WDCP: variants seen among roughly 807,000 people sequenced by gnomAD.
WDCP encodes the protein WD repeat and coiled-coil-containing protein.
In WDCP, 19 loss-of-function variants were observed where a neutral mutation model predicts 41.6. The observed-to-expected ratio is 0.46, with a 90% confidence interval of 0.32 to 0.67. WDCP has a LOEUF of 0.67. WDCP is among the 30% of genes least tolerant of loss of function. The pLI is 0.04. For synonymous variants in WDCP, 302 were observed against 320.8 expected, an observed-to-expected ratio of 0.94 and a Z score of 0.63; for missense variants, 802 against 850.7, an observed-to-expected ratio of 0.94 and a Z score of 0.71.
In WDCP at chr2:24,038,466, A is replaced by T; in HGVS notation, c.1029T>A (p.Asp343Glu). 1.2e-6 allele frequency: 2 copies of T among 1,614,234 alleles called. No homozygotes were observed. Among genetic ancestry groups the T allele is most frequent in the Non-Finnish European group, 1.7e-6 (2 of 1,180,048 alleles). Residue 343 changes from aspartate to glutamate, a missense_variant, in exon 2 of 4, where the codon GAT becomes GAA. By Grantham distance (45) the Asp-to-Glu change is conservative. Transcript: ENST00000295148. ...KVTIPGILVP[D>E]LIAFNLKAHV... Reference sequence around the variant, plus strand: ...GGGCTTTAAGATTAAATGCTATCAGATCAGGAACCAGAATGCCTGGAATAG... The same window carrying T: ...GGGCTTTAAGATTAAATGCTATCAGTTCAGGAACCAGAATGCCTGGAATAG...
chr2:24,037,777 C>T lies in WDCP; in HGVS notation c.1718G>A (p.Arg573Gln), dbSNP rs200971514. The change falls in exon 2 of 4, where the codon CGG becomes CAG. Residue 573 changes from arginine to glutamine, a missense_variant. Arg to Gln is a conservative substitution (Grantham distance 43). This residue lies in a region of WDCP where 321 missense variants were observed against 305.1 expected (regional missense o/e 1.05). Coordinates refer to ENST00000295148, the MANE Select transcript of WDCP (RefSeq NM_025203.3). ...ILSRNLVEMQ[R>Q]CLSELTNRLH... ...ACGGTTTGTAAGTTCAGAAAGACAC[C>T]GTTGCATTTCAACCAGGTTCCTAGA... The T allele has an allele frequency of 2.8e-5, 45 of 1,614,146 alleles. No homozygotes were observed. Among genetic ancestry groups the T allele is most frequent in the African/African-American group, 1.3e-4 (10 of 75,034 alleles).
chr2:24,044,546 C>T (rs1047131345), intron 1 of WDCP, among the ~76,000 whole-genome samples: 29 of 152,102 alleles, frequency 1.9e-4, no homozygotes, highest in African/African-American at 6.3e-4. Flanking sequence ...GGATTACAGG[C>T]GTGAGCCACT....
At chr2:24,036,065 A>AAAATAAATAAATAAATAAATAAAT (rs546096434) in intron 2 of WDCP, among the ~76,000 whole-genome samples, 3 of 140,362 alleles carry the variant, frequency 2.1e-5, no homozygotes, top group East Asian at 2.0e-4. Context: ...CTCCGTCTCA[A>AAAATAAATAAATAAATAAATAAAT]AAATAAATAA....
chr2:24,042,103 A>G (rs961451124), intron 1 of WDCP, among the ~76,000 whole-genome samples: 4 of 152,068 alleles, frequency 2.6e-5, no homozygotes, highest in Admixed American at 1.3e-4. Context: ...ACTGAGAAAG[A>G]CTAATTTTAG....
chr2:24,038,611 G>A lies in WDCP; in HGVS notation c.884C>T (p.Ser295Phe). Residue 295 changes from serine (S) to phenylalanine (F), a missense_variant, in exon 2 of 4, where the codon TCT becomes TTT. Around this residue, in one of 5 missense-constraint regions of WDCP, gnomAD observed 247 missense variants for 240.5 expected, o/e 1.03. Coordinates refer to ENST00000295148, the MANE Select transcript of WDCP (RefSeq NM_025203.3). ...LTHIHFNQHK[S>F]EGNSLICLRK... ...TAGACAAATAAGAGAATTACCCTCA[G>A]ACTTATGTTGATTGAAATGTATGTG... 6.2e-7 allele frequency: 1 copy of A among 1,614,124 alleles called. No homozygotes were observed. Among genetic ancestry groups the A allele is most frequent in the Non-Finnish European group, 8.5e-7 (1 of 1,179,996 alleles).
chr2:24,042,843 G>T (rs187281036), intron 1 of WDCP, among the ~76,000 whole-genome samples: 190 of 151,822 alleles, frequency 1.3e-3, no homozygotes, highest in African/African-American at 4.4e-3. Flanking sequence ...AGACCAGCCT[G>T]ACCAACATGG....
chr2:24,036,312 C>T (rs1025687037), intron 2 of WDCP, among the ~76,000 whole-genome samples: 1 of 151,214 alleles, frequency 6.6e-6, no homozygotes, highest in African/African-American at 2.4e-5. Context: ...TCATGATCAG[C>T]CTAGGCAACA....
chr2:24,031,086 G>A lies in WDCP; in HGVS notation c.2013C>T (p.Ile671=). The part of the protein sequence containing the change: ...PLTFTATQEI[I]IRDGSLSRSD... ...ACCTGGACAGGCTGCCATCTCTTAT[G>A]ATTATTTCCTGTGTGGCTGTGAAGG... The change falls in exon 4 of 4, where the codon ATC becomes ATT. Residue 671 remains isoleucine (I), a synonymous_variant. Coordinates refer to ENST00000295148, the MANE Select transcript of WDCP (RefSeq NM_025203.3). 1 of 1,614,192 alleles carries A rather than the reference G, an allele frequency of 6.2e-7. No individual in the cohort carries two copies. Among genetic ancestry groups the A allele is most frequent in the South Asian group, 1.1e-5 (1 of 91,086 alleles).
chr2:24,047,027 G>A (rs1011634108), intron 1 of WDCP, among the ~76,000 whole-genome samples: 26 of 152,086 alleles, frequency 1.7e-4, no homozygotes, highest in Non-Finnish European at 3.4e-4. Context: ...CTCGGACCGA[G>A]GTCTTAAGGC....
intron 1 of WDCP, among the ~76,000 whole-genome samples, chr2:24,042,729 A>G (rs533793503): frequency 1.6e-4 from 23 of 147,586 alleles, no homozygotes; most frequent in African/African-American, 5.8e-4. Flanking sequence ...AAAATTTAGT[A>G]TAAAAACAAT....
At position 24,039,127 on chromosome 2, in the gene WDCP, G is replaced by A; in HGVS notation, c.368C>T (p.Pro123Leu). 1.2e-6 allele frequency: 2 copies of A among 1,614,196 alleles called. No homozygotes were observed. The highest frequency in any genetic ancestry group is 1.7e-6 in the Non-Finnish European group (2 of 1,180,048). ...PILPQGCVWHPKCAILTVLTA... is the reference protein window; with the variant it reads ...PILPQGCVWHLKCAILTVLTA... ...CAACACAGTCAGAATAGCACATTTT[G>A]GGTGCCACACACAGCCCTGGGGAAG... The change falls in exon 2 of 4, where the codon CCA becomes CTA. Residue 123 changes from proline to leucine, a missense_variant. Physicochemically the swap from Pro to Leu is moderately conservative, Grantham distance 98. Coordinates refer to ENST00000295148, the MANE Select transcript of WDCP (RefSeq NM_025203.3).
intron 2 of WDCP, 32 bp downstream of exon 2, chr2:24,037,645 G>A (rs1385792718): frequency 6.4e-7 from 1 of 1,572,928 alleles, no homozygotes; most frequent in African/African-American, 1.4e-5. Flanking sequence ...GAGCTTTTAT[G>A]TATAGTGGTA....
intron 1 of WDCP, among the ~76,000 whole-genome samples, chr2:24,043,172 A>G (rs942455081): frequency 6.6e-5 from 10 of 152,198 alleles, no homozygotes; most frequent in Non-Finnish European, 2.9e-5. Flanking sequence ...CGTCTCTACT[A>G]AAAATACAAA....
chr2:24,031,221 T>C, intron 3 of WDCP, 59 bp from the exon 4 acceptor site: 3 of 1,316,830 alleles, frequency 2.3e-6, no homozygotes, highest in South Asian at 1.3e-5. Flanking sequence ...TGATGAAACA[T>C]ATGACTACAA....
At chr2:24,045,643 A>AAGGAAGGAAGGG in intron 1 of WDCP, among the ~76,000 whole-genome samples, 1 of 135,726 alleles carries the variant, frequency 7.4e-6, no homozygotes, top group Non-Finnish European at 1.6e-5. Flanking sequence ...GGAAGGAAGG[A>AAGGAAGGAAGGG]AGGAAGGAAG....
In WDCP at chr2:24,032,761, G is replaced by A. The variant is rs1328798446; in HGVS notation, c.1936+68C>T. On this transcript the variant is annotated intron_variant, in intron 3 of 3. Transcript: ENST00000295148. The stretch of plus-strand genomic sequence containing the variant: ...TTGGTATCCCTCATTTTCATTACCG[G>A]CATAGTTAAAACAGATGGTGGGGGA... The A allele has an allele frequency of 1.3e-5, 11 of 844,546 alleles. No individual in the cohort carries two copies. In the East Asian group the frequency reaches 1.9e-4, roughly 15 times the overall value. 52.3% of individuals were successfully genotyped at this position (844,546 alleles called of 1,614,324 possible). A position where few individuals can be genotyped will look rare whatever the true frequency, so the allele number is the denominator to read the frequency against.
At chr2:24,047,047 T>C (rs1663648278) in intron 1 of WDCP, among the ~76,000 whole-genome samples, 1 of 152,104 alleles carries the variant, frequency 6.6e-6, no homozygotes, top group South Asian at 2.1e-4. Context: ...CTTAAAGCAT[T>C]TCCTGACTTT....
intron 1 of WDCP, among the ~76,000 whole-genome samples, chr2:24,042,619 G>A (rs1663481165): frequency 1.3e-5 from 2 of 151,314 alleles, no homozygotes; most frequent in South Asian, 4.2e-4. Context: ...TGAGGCAGGA[G>A]AATCGCTTGA....
chr2:24,037,303 G>A (rs754157357), intron 2 of WDCP, among the ~76,000 whole-genome samples: 3 of 152,238 alleles, frequency 2.0e-5, no homozygotes, highest in Non-Finnish European at 4.4e-5. Flanking sequence ...GATTACAGGC[G>A]TGAGCCATGG....
Sources: allele counts gnomAD v4.1 joint callset (sites outside exome capture counted in the v4.1 genomes callset), GRCh38; gene constraint gnomAD v4.1.1; regional missense constraint gnomAD v4.1.1; transcripts MANE v1.5; gene names NCBI Gene and HGNC (gene_info 2026-07-23, HGNC 2026-07-21).